AFF3: variants seen among roughly 807,000 people sequenced by gnomAD.
AFF3 encodes ALF transcription elongation factor 3.
Under a neutral mutation model 129.7 loss-of-function variants are expected in AFF3, and 32 were observed. That is an observed-to-expected ratio of 0.25 (90% confidence interval 0.19 to 0.33). The LOEUF (loss-of-function observed/expected upper bound fraction) is 0.33. Among genes scored for constraint, AFF3 ranks in the 10% least tolerant of loss-of-function variants. AFF3 has a pLI of 1.00. For synonymous variants in AFF3, 644 were observed against 635.4 expected (o/e 1.01, Z -0.20); for missense variants, 1,373 against 1,592.0 (o/e 0.86, Z 2.34).
At chr2:99,927,748 T>G (rs1405862788) in intron 7 of AFF3, among the ~76,000 whole-genome samples, 1 of 152,176 alleles carries the variant, frequency 6.6e-6, no homozygotes, top group Non-Finnish European at 1.5e-5. Context: ...TAAAAAAAAT[T>G]TTTTTAAATA....
rs145077734 is a variant in AFF3, at chr2:99,696,304, A to C, written c.1092-23715T>G. Among the ~76,000 whole-genome samples, 12 of 152,330 alleles carry C rather than the reference A, an allele frequency of 7.9e-5. 1 individual carries two copies. The East Asian group carries it at 2.3e-3, about 29-fold the overall frequency. On this transcript the variant is annotated intron_variant, in intron 11 of 24. Coordinates refer to ENST00000672756, the MANE Select transcript of AFF3 (RefSeq NM_001386135.1). ...TTGCACCAACTTCATGGCACGTTAG[A>C]GCATCAAGGCTCAGGTGATTTACAC...
rs1360061518 is a variant in AFF3 at position 99,551,156 on chromosome 2, GT to G, written c.*317del. 1 of 141,148 alleles carries G rather than the reference GT, an allele frequency of 7.1e-6. No individual in the cohort carries two copies. The highest frequency in any genetic ancestry group is 1.7e-5 in the Non-Finnish European group (1 of 60,006). 8.7% of individuals were successfully genotyped at this position (141,148 alleles called of 1,614,324 possible). ...CTGTGATTGTGTGTGAGTGTACGGT[GT>G]GTGTGTGTGTGTGTGTGTGTGTGTG... On this transcript the variant is annotated 3_prime_UTR_variant, in exon 25 of 25. Transcript: ENST00000672756.
chr2:100,006,086 G>T (rs1304143449), intron 7 of AFF3: 1 of 152,170 alleles, frequency 6.6e-6, no homozygotes, highest in Non-Finnish European at 1.5e-5. Context: ...CAAAACATTT[G>T]AATAGTTCAC....
chr2:99,576,677 A>G (rs1677031023), intron 18 of AFF3, among the ~76,000 whole-genome samples: 1 of 152,170 alleles, frequency 6.6e-6, no homozygotes, highest in Non-Finnish European at 1.5e-5. Context: ...CCATGCTCTC[A>G]AAACCACCCA....
intron 4 of AFF3, among the ~76,000 whole-genome samples, chr2:100,078,300 G>C (rs972168301): frequency 6.6e-6 from 1 of 152,154 alleles, no homozygotes; most frequent in Non-Finnish European, 1.5e-5. Flanking sequence ...GGTTTGTCAA[G>C]GTCTATGAAT....
chr2:99,551,679 T>C (rs1367378259), intron 24 of AFF3, 84 bp from the exon 25 acceptor site: 1 of 1,532,906 alleles, frequency 6.5e-7, no homozygotes, highest in Admixed American at 1.7e-5. Context: ...AAAATTCCAT[T>C]CATGGTCTCT....
At position 100,007,471 on chromosome 2, in the gene AFF3, A is replaced by G. The variant is rs1190459612; in HGVS notation, c.175-11T>C. On this transcript the variant is annotated splice_polypyrimidine_tract_variant and intron_variant, in intron 5 of 24. Coordinates refer to ENST00000672756, the MANE Select transcript of AFF3 (RefSeq NM_001386135.1). Reference sequence around the variant, plus strand: ...ATCCCCCTTGTTAGTCTGGAGAAAGAAAAACACATCCACGCTATTGTTAGA... The same window carrying G: ...ATCCCCCTTGTTAGTCTGGAGAAAGGAAAACACATCCACGCTATTGTTAGA... 1.2e-6 allele frequency: 2 copies of G among 1,606,312 alleles called. No homozygotes were observed. Among genetic ancestry groups the G allele is most frequent in the South Asian group, 1.1e-5 (1 of 90,488 alleles).
rs1575332698 is a variant in AFF3, at chr2:99,554,665, T to C, written c.3335+18A>G. On this transcript the variant is annotated intron_variant, in intron 23 of 24. Transcript: ENST00000672756. The stretch of plus-strand genomic sequence containing the variant: ...CATTGTCTGGCTTACGGCATTGACT[T>C]TGGAAAAGCGAACTTACTTTCCACT... The C allele has an allele frequency of 1.4e-5, 22 of 1,614,140 alleles. No individual in the cohort carries two copies. Among genetic ancestry groups the C allele is most frequent in the Non-Finnish European group, 1.7e-5 (20 of 1,180,010 alleles).
At chr2:100,001,816 C>A (rs1005658495) in intron 7 of AFF3, among the ~76,000 whole-genome samples, 10 of 152,234 alleles carry the variant, frequency 6.6e-5, no homozygotes, top group South Asian at 2.1e-4. Context: ...TTCATTACGA[C>A]CTTCAGAACG....
chr2:99,822,354 G>T (rs1687756581), intron 8 of AFF3, among the ~76,000 whole-genome samples: 1 of 151,450 alleles, frequency 6.6e-6, no homozygotes, highest in Non-Finnish European at 1.5e-5. Context: ...GGTGGGTTTG[G>T]GGTAGGGAGG....
intron 9 of AFF3, among the ~76,000 whole-genome samples, chr2:99,748,028 G>A (rs945536546): frequency 6.6e-6 from 1 of 152,080 alleles, no homozygotes; most frequent in Non-Finnish European, 1.5e-5. Flanking sequence ...CCCTGATAAG[G>A]TGTCTGCTGG....
rs1407861630 is a variant in AFF3 at position 99,550,097 on chromosome 2, G to A, written c.*1377C>T. On this transcript the variant is annotated 3_prime_UTR_variant, in exon 25 of 25. Coordinates refer to ENST00000672756, the MANE Select transcript of AFF3 (RefSeq NM_001386135.1). ...CATATCCAAATATATTTAACAAGAT[G>A]ACTAAATCTAGGGCATAAGACACTA... The A allele has an allele frequency of 8.8e-6, 2 of 226,978 alleles. No homozygotes were observed. Among genetic ancestry groups the A allele is most frequent in the Non-Finnish European group, 1.8e-5 (2 of 114,272 alleles). The allele number at this position is 226,978 out of a possible 1,614,324, so 14.1% of individuals were successfully genotyped here. A position where few individuals can be genotyped will look rare whatever the true frequency, so the allele number is the denominator to read the frequency against.
chr2:100,133,183 T>C (rs1291103691), intron 1 of AFF3, among the ~76,000 whole-genome samples: 1 of 151,856 alleles, frequency 6.6e-6, no homozygotes, highest in Non-Finnish European at 1.5e-5. Flanking sequence ...GGAGGATCAC[T>C]TGAGCCCAGG....
At chr2:99,920,298 TC>T (rs1285405463) in intron 7 of AFF3, among the ~76,000 whole-genome samples, 3 of 151,796 alleles carry the variant, frequency 2.0e-5, no homozygotes, top group African/African-American at 4.8e-5. Flanking sequence ...GATGCAAAAA[TC>T]TTTAACAAAA....
intron 8 of AFF3, among the ~76,000 whole-genome samples, chr2:99,767,088 T>C (rs2105304713): frequency 6.6e-6 from 1 of 152,236 alleles, no homozygotes; most frequent in Non-Finnish European, 1.5e-5. Flanking sequence ...ATCAGTTCAG[T>C]TTCTATTAGT....
Position 99,550,215 on chromosome 2 carries a change from C to CA in AFF3, c.*1258dup. On this transcript the variant is annotated 3_prime_UTR_variant, in exon 25 of 25. Transcript: ENST00000672756. ...AAAAAAAGAAAACAAGAGAAAAACT[C>CA]AGAGCAAGGTGTAAACATACCAGAC... 1 of 230,972 alleles carries CA rather than the reference C, an allele frequency of 4.3e-6. No individual in the cohort carries two copies. The highest frequency in any genetic ancestry group is 8.6e-6 in the Non-Finnish European group (1 of 116,602). 14.3% of individuals were successfully genotyped at this position (230,972 alleles called of 1,614,324 possible).
chr2:99,963,798 T>C (rs1015826385), intron 7 of AFF3, among the ~76,000 whole-genome samples: 48 of 151,998 alleles, frequency 3.2e-4, no homozygotes, highest in Middle Eastern at 3.4e-3. Flanking sequence ...TAAAAGTAAA[T>C]AGTCTTAACA....
chr2:99,820,779 C>CTTTT (rs1306639795), intron 8 of AFF3, among the ~76,000 whole-genome samples: 11 of 64,454 alleles, frequency 1.7e-4, no homozygotes, highest in East Asian at 4.8e-4. Flanking sequence ...ACTTTTAAAA[C>CTTTT]TTTTTTGTCA....
At chr2:99,975,868 G>GAAAAAAAAAAAAAAAAA in intron 7 of AFF3, among the ~76,000 whole-genome samples, 1 of 74,612 alleles carries the variant, frequency 1.3e-5, no homozygotes. Context: ...AGATTAAAAT[G>GAAAAAAAAAAAAAAAAA]AAAAAAAAAA....
Sources: gnomAD v4.1 joint callset for allele counts (sites outside exome capture counted in the v4.1 genomes callset) on GRCh38, gnomAD v4.1.1 for gene constraint, MANE v1.5 for transcripts, NCBI Gene and HGNC (gene_info 2026-07-23, HGNC 2026-07-21) for gene names.